Variants in NAF1 observed in about 807,000 individuals in gnomAD.
NAF1 encodes H/ACA ribonucleoprotein complex non-core subunit NAF1.
In NAF1, 11 loss-of-function variants were observed where a neutral mutation model predicts 40.6. The observed-to-expected ratio is 0.27, with a 90% confidence interval of 0.17 to 0.45. The LOEUF is 0.45. Among genes scored for constraint, NAF1 ranks in the 20% least tolerant of loss-of-function variants. The pLI, the probability that NAF1 is intolerant of heterozygous loss-of-function variation, is 1.00. For synonymous variants in NAF1, 260 were observed against 228.5 expected (o/e 1.14, Z -1.24); for missense variants, 607 against 611.1 (o/e 0.99, Z 0.07).
chr4:163,151,671 G>T (rs1413483165), intron 2 of NAF1, among the ~76,000 whole-genome samples: 1 of 152,020 alleles, frequency 6.6e-6, no homozygotes. Context: ...TGACGGGCTA[G>T]TTCCTTTACC....
chr4:163,117,227 T>C (rs10019053), intron 2 of NAF1, among the ~76,000 whole-genome samples: 47,807 of 152,002 alleles, frequency 0.31, 8,099 homozygotes, highest in African/African-American at 0.45. Flanking sequence ...CAAGGTGGAA[T>C]AGACTTTTCT....
At chr4:163,144,211 G>C (rs1240285972) in intron 4 of NAF1, among the ~76,000 whole-genome samples, 4 of 152,140 alleles carry the variant, frequency 2.6e-5, no homozygotes, top group African/African-American at 9.7e-5. Flanking sequence ...AAAAATCTGA[G>C]ACTGTCCTCC....
chr4:163,117,185 T>C (rs1431187622), intron 2 of NAF1, among the ~76,000 whole-genome samples: 1 of 152,180 alleles, frequency 6.6e-6, no homozygotes, highest in Non-Finnish European at 1.5e-5. Flanking sequence ...CTGTGAATTA[T>C]TCCCTACCTT....
intron 2 of NAF1, among the ~76,000 whole-genome samples, chr4:163,112,856 A>T (rs539281203): frequency 6.6e-6 from 1 of 152,344 alleles, no homozygotes; most frequent in South Asian, 2.1e-4. Context: ...GAGAGTTATG[A>T]AATTGTCACC....
downstream of NAF1, chr4:163,128,591 G>A (rs938530730): frequency 3.0e-6 from 1 of 330,564 alleles, no homozygotes; most frequent in African/African-American, 2.3e-5. Flanking sequence ...GATGAAACTT[G>A]TCCCATATCC....
chr4:163,166,705 G>T lies in NAF1; in HGVS notation c.23C>A (p.Ala8Asp). The change falls in exon 1 of 8, where the codon GCC becomes GAC. Residue 8 changes from alanine to aspartate, a missense_variant. Around this residue, in one of 3 missense-constraint regions of NAF1, gnomAD observed 407 missense variants for 365.5 expected, o/e 1.11. Transcript: ENST00000274054. MEVVEAA[A>D]AQLETLKFNG... ...GAATTTCAGAGTTTCCAGCTGAGCGGCGGCGGCCTCCACTACCTCCATCGC... is the reference window on the plus strand; with the variant it reads ...GAATTTCAGAGTTTCCAGCTGAGCGTCGGCGGCCTCCACTACCTCCATCGC... 6.2e-7 allele frequency: 1 copy of T among 1,613,260 alleles called. No homozygotes were observed. The highest frequency in any genetic ancestry group is 1.7e-5 in the Admixed American group (1 of 60,022).
intron 2 of NAF1, among the ~76,000 whole-genome samples, chr4:163,156,673 C>T (rs1731999161): frequency 6.6e-6 from 1 of 152,016 alleles, no homozygotes; most frequent in Non-Finnish European, 1.5e-5. Context: ...CAGGCATTAA[C>T]AATATCAATT....
intron 4 of NAF1, 75 bp downstream of exon 4, chr4:163,145,707 A>G (rs1157213637): frequency 1.1e-6 from 1 of 946,812 alleles, no homozygotes; most frequent in East Asian, 2.7e-5. Context: ...AACTCTTCTG[A>G]GAACTGATGG....
chr4:163,158,508 G>A (rs1481871006), intron 2 of NAF1, among the ~76,000 whole-genome samples: 1 of 151,928 alleles, frequency 6.6e-6, no homozygotes, highest in Non-Finnish European at 1.5e-5. Context: ...ACCCTATTGT[G>A]TATGACACTA....
At chr4:163,136,339 A>T (rs1309591029) in intron 6 of NAF1, 1 of 139,114 alleles carries the variant, frequency 7.2e-6, no homozygotes, top group Admixed American at 7.1e-5. Context: ...GTTAAAAAAA[A>T]AAAAAACAAA....
At chr4:163,134,259 A>G (rs986065017) in intron 6 of NAF1, among the ~76,000 whole-genome samples, 1 of 152,180 alleles carries the variant, frequency 6.6e-6, no homozygotes, top group African/African-American at 2.4e-5. Context: ...CAGGCCCACC[A>G]TATATGGATG....
intron 2 of NAF1, among the ~76,000 whole-genome samples, chr4:163,152,509 A>G (rs1233494021): frequency 6.6e-6 from 1 of 152,232 alleles, no homozygotes; most frequent in Non-Finnish European, 1.5e-5. Flanking sequence ...TTGCTGTTCC[A>G]TGTTTCCAAC....
At chr4:163,150,747 T>C (rs1301528463) in intron 2 of NAF1, among the ~76,000 whole-genome samples, 1 of 152,124 alleles carries the variant, frequency 6.6e-6, no homozygotes, top group Non-Finnish European at 1.5e-5. Context: ...AACATTCTTT[T>C]ACATATATCT....
intron 2 of NAF1, among the ~76,000 whole-genome samples, chr4:163,110,998 G>A (rs1052728814): frequency 6.6e-6 from 1 of 152,066 alleles, no homozygotes; most frequent in Non-Finnish European, 1.5e-5. Flanking sequence ...TTTAAAAAAG[G>A]TAAACCCCAA....
intron 7 of NAF1, among the ~76,000 whole-genome samples, chr4:163,130,134 A>T (rs1356638681): frequency 1.3e-5 from 2 of 152,194 alleles, no homozygotes; most frequent in Non-Finnish European, 2.9e-5. Context: ...AACCCAGCTA[A>T]ATCAGAAGAT....
chr4:163,166,745 C>T lies in NAF1; in HGVS notation c.-18G>A, dbSNP rs1449869815. On this transcript the variant is annotated 5_prime_UTR_variant, in exon 1 of 8. Coordinates refer to ENST00000274054, the MANE Select transcript of NAF1 (RefSeq NM_138386.3). Reference sequence around the variant, plus strand: ...ACCTCCATCGCACCGCGCCAGAAACCGGGTCGGCCTCAGGATTGGGGCCCC... The same window carrying T: ...ACCTCCATCGCACCGCGCCAGAAACTGGGTCGGCCTCAGGATTGGGGCCCC... 1 of 1,612,758 alleles carries T rather than the reference C, an allele frequency of 6.2e-7. No homozygotes were observed. The highest frequency in any genetic ancestry group is 8.5e-7 in the Non-Finnish European group (1 of 1,179,696).
intron 2 of NAF1, chr4:163,156,938 A>T (rs570906091): frequency 6.6e-6 from 1 of 152,308 alleles, no homozygotes; most frequent in East Asian, 1.9e-4. Flanking sequence ...ACTAACAAAA[A>T]ATCAAAGAAC....
intron 5 of NAF1, among the ~76,000 whole-genome samples, chr4:163,138,571 C>T (rs1731144345): frequency 6.6e-6 from 1 of 152,126 alleles, no homozygotes; most frequent in Admixed American, 6.5e-5. Flanking sequence ...AGGAGCTGAA[C>T]TTCTCTACCT....
intron 1 of NAF1, among the ~76,000 whole-genome samples, chr4:163,166,004 C>T (rs181264900): frequency 6.6e-6 from 1 of 152,024 alleles, no homozygotes; most frequent in Non-Finnish European, 1.5e-5. Flanking sequence ...AGATCTGACA[C>T]AAAACTCAAC....
Sources: allele counts gnomAD v4.1 joint callset (sites outside exome capture counted in the v4.1 genomes callset), GRCh38; gene constraint gnomAD v4.1.1; regional missense constraint gnomAD v4.1.1; transcripts MANE v1.5; gene names NCBI Gene and HGNC (gene_info 2026-07-23, HGNC 2026-07-21).